Variants in TRIP13 observed in about 807,000 individuals in gnomAD.
TRIP13 encodes thyroid hormone receptor interactor 13, also known as pachytene checkpoint protein 2 homolog.
Under a neutral mutation model 54.4 loss-of-function variants are expected in TRIP13, and 25 were observed. The observed-to-expected ratio is 0.46, with a 90% CI of 0.33 to 0.64. The LOEUF (loss-of-function observed/expected upper bound fraction) is 0.64. Among genes scored for constraint, TRIP13 ranks in the 30% least tolerant of loss-of-function variants. The pLI is 0.02. For synonymous variants in TRIP13, 207 were observed against 207.8 expected (o/e 1.00, Z 0.03); for missense variants, 373 against 534.2 (o/e 0.70, Z 2.97).
rs150139487 is a variant in TRIP13, at chr5:911,891, C to T, written c.915C>T (p.Ile305=). ...ILTTSNITEK[I]DVAFVDRADI... is the part of the protein sequence containing the mutation. ...CCACTTCTAACATCACCGAGAAGATCGACGTGGCCTTCGTGGACAGGGCTG... is the reference window on the plus strand; with the variant it reads ...CCACTTCTAACATCACCGAGAAGATTGACGTGGCCTTCGTGGACAGGGCTG... The change falls in exon 10 of 13, where the codon ATC becomes ATT. Residue 305 remains isoleucine, a synonymous_variant. Transcript: ENST00000166345. This position sits in a 1 kb window ranked among gnomAD's most constrained non-coding sequence, Gnocchi z 4.7. The T allele has an allele frequency of 2.0e-5, 32 of 1,613,746 alleles. No homozygotes were observed. The highest frequency in any genetic ancestry group is 6.7e-5 in the East Asian group (3 of 44,894).
Position 911,766 on chromosome 5 carries a change from C to T in TRIP13, c.867-77C>T. On this transcript the variant is annotated intron_variant, in intron 9 of 12. Transcript: ENST00000166345. The surrounding 1 kb of genome is among the most constrained non-coding windows in gnomAD (Gnocchi z 4.7). ...TGCTGGCCATCGTCCTGCCAACCTC[C>T]TTGCCAGATAGGGCAGGATAGAATT... 1.3e-6 allele frequency: 2 copies of T among 1,522,484 alleles called. No homozygotes were observed. Among genetic ancestry groups the T allele is most frequent in the East Asian group, 2.3e-5 (1 of 43,684 alleles). The allele number at this position is 1,522,484 out of a possible 1,614,324, so 94.3% of individuals were successfully genotyped here. A position where few individuals can be genotyped will look rare whatever the true frequency, so the allele number is the denominator to read the frequency against.
rs372041124 is a variant in TRIP13 at position 900,162 on chromosome 5, T to A, written c.389-332T>A. Among the ~76,000 whole-genome samples, 25 of 152,362 alleles carry A rather than the reference T, an allele frequency of 1.6e-4. No homozygotes were observed. In the East Asian group the frequency reaches 4.8e-3, roughly 29 times the overall value. ...ATGTTATACGTCAATGGAAAATAAA[T>A]GACAACAATACCTTAAAGAAGGATG... On this transcript the variant is annotated intron_variant, in intron 3 of 12. Coordinates refer to ENST00000166345, the MANE Select transcript of TRIP13 (RefSeq NM_004237.4).
chr5:893,131 CGCCCCGACCCCAGCGCGTGCACCGA>C (rs765305970), intron 1 of TRIP13, 41 bp downstream of exon 1: 41 of 1,523,148 alleles, frequency 2.7e-5, no homozygotes, highest in South Asian at 9.5e-5. Flanking sequence ...GGCACCCACC[CGCCCCGACCCCAGCGCGTGCACCGA>C]GCCCCGACCC....
intron 2 of TRIP13, among the ~76,000 whole-genome samples, chr5:895,788 G>A (rs986316571): frequency 2.0e-5 from 3 of 152,186 alleles, no homozygotes; most frequent in African/African-American, 4.8e-5. Flanking sequence ...GGAATTTATC[G>A]TAGCTGATAA....
rs13181961 is a variant in TRIP13, at chr5:893,241, C to G, written c.92+151C>G. On this transcript the variant is annotated intron_variant, in intron 1 of 12. Coordinates refer to ENST00000166345, the MANE Select transcript of TRIP13 (RefSeq NM_004237.4). ...GACTGGACCCGGGCGCACAGGCCGC[C>G]GGGCCCCGACCGGATCCTAGCGCAA... 0.18 allele frequency: 139,755 copies of G among 785,572 alleles called. 13,498 individuals are homozygous for G. Among genetic ancestry groups the G allele is most frequent in the Middle Eastern group, 0.21 (875 of 4,172 alleles). 48.7% of individuals were successfully genotyped at this position (785,572 alleles called of 1,614,324 possible).
At position 912,064 on chromosome 5, in the gene TRIP13, G is replaced by A; in HGVS notation, c.1020+68G>A. ...TATATGTTCTTAATTAATTAAGATA[G>A]CTTAAAATAAGCTCGTTCCAGTACG... On this transcript the variant is annotated intron_variant, in intron 10 of 12. Coordinates refer to ENST00000166345, the MANE Select transcript of TRIP13 (RefSeq NM_004237.4). This position sits in a 1 kb window ranked among gnomAD's most constrained non-coding sequence, Gnocchi z 7.2. The A allele has an allele frequency of 6.5e-7, 1 of 1,537,038 alleles. No homozygotes were observed. The highest frequency in any genetic ancestry group is 1.2e-5 in the South Asian group (1 of 81,308).
chr5:908,959 GAA>G lies in TRIP13; in HGVS notation c.866+507_866+508del. 2 of 153,982 alleles carry G rather than the reference GAA, an allele frequency of 1.3e-5. No homozygotes were observed. Among genetic ancestry groups the G allele is most frequent in the Admixed American group, 6.2e-5 (1 of 16,048 alleles). The allele number at this position is 153,982 out of a possible 1,614,324, so 9.5% of individuals were successfully genotyped here. A position where few individuals can be genotyped will look rare whatever the true frequency, so the allele number is the denominator to read the frequency against. On this transcript the variant is annotated intron_variant, in intron 9 of 12. Coordinates refer to ENST00000166345, the MANE Select transcript of TRIP13 (RefSeq NM_004237.4). The surrounding 1 kb of genome is among the most constrained non-coding windows in gnomAD (Gnocchi z 5.2). The stretch of plus-strand genomic sequence containing the variant: ...GGTGACAGAGCAAGACTCCGTCTCA[GAA>G]AAAAAAAATGTGAAAGAAAACTCAG...
Position 917,020 on chromosome 5 carries a change from A to C in TRIP13, c.1216A>C (p.Thr406Pro), listed in dbSNP as rs563069256. 3 of 1,613,326 alleles carry C rather than the reference A, an allele frequency of 1.9e-6. No individual in the cohort carries two copies. Among genetic ancestry groups the C allele is most frequent in the African/African-American group, 2.7e-5 (2 of 75,004 alleles). ...GTGTACCTTCTAGGCCCCCACCGTC[A>C]CCATAGAGGGGTTCCTCCAGGCCCT... Reference protein sequence around the residue: ...HALYVQAPTVTIEGFLQALSL... With the variant: ...HALYVQAPTVPIEGFLQALSL... The change falls in exon 13 of 13, where the codon ACC becomes CCC. Residue 406 changes from threonine (T) to proline (P), a missense_variant. By Grantham distance (38) the Thr-to-Pro change is conservative (BLOSUM62 -1). Transcript: ENST00000166345.
intron 5 of TRIP13, 101 bp downstream of exon 5, chr5:901,532 T>C (rs1580052421): frequency 9.1e-7 from 1 of 1,094,660 alleles, no homozygotes; most frequent in Non-Finnish European, 1.3e-6. Flanking sequence ...CTTTGTTTTC[T>C]GAAGGAGCCA....
rs896067263 is a variant in TRIP13 at position 912,494 on chromosome 5, G to A, written c.1020+498G>A. The stretch of plus-strand genomic sequence containing the variant: ...TTGCCGTGGGCAGAGCGACGCGTGC[G>A]GGTTGTGTGTGTGAGTCAGGAAGGC... On this transcript the variant is annotated intron_variant, in intron 10 of 12. Transcript: ENST00000166345. The surrounding 1 kb of genome is among the most constrained non-coding windows in gnomAD (Gnocchi z 7.2). 3.9e-5 allele frequency among the ~76,000 whole-genome samples: 6 copies of A among 152,118 alleles called. No individual in the cohort carries two copies. Among genetic ancestry groups the A allele is most frequent in the Admixed American group, 2.6e-4 (4 of 15,280 alleles).
Position 907,314 on chromosome 5 carries a change from A to G in TRIP13, c.672+121A>G. ...AACTGGGTGGGAAGGGTGTGTGAGG[A>G]TTGGGGCTGACTGTGATCAGAGAAG... On this transcript the variant is annotated intron_variant, in intron 7 of 12. Transcript: ENST00000166345. This position sits in a 1 kb window ranked among gnomAD's most constrained non-coding sequence, Gnocchi z 4.1. 1 of 879,304 alleles carries G rather than the reference A, an allele frequency of 1.1e-6. No homozygotes were observed. Among genetic ancestry groups the G allele is most frequent in the Non-Finnish European group, 1.8e-6 (1 of 556,444 alleles). 54.5% of individuals were successfully genotyped at this position (879,304 alleles called of 1,614,324 possible).
chr5:901,018 C>T (rs989928930), intron 4 of TRIP13, among the ~76,000 whole-genome samples: 1 of 152,192 alleles, frequency 6.6e-6, no homozygotes, highest in African/African-American at 2.4e-5. Flanking sequence ...ACTGCTGTAT[C>T]ATTCTAGGGA....
Position 907,595 on chromosome 5 carries a change from G to A in TRIP13, c.673-393G>A, listed in dbSNP as rs1359721149. On this transcript the variant is annotated intron_variant, in intron 7 of 12. Coordinates refer to ENST00000166345, the MANE Select transcript of TRIP13 (RefSeq NM_004237.4). This position sits in a 1 kb window ranked among gnomAD's most constrained non-coding sequence, Gnocchi z 4.1. ...TCACCTGGCATCCGCACATCCCTCT[G>A]GTGAGGTGAGGTGGGACCAGGCACG... is the stretch of plus-strand genomic sequence containing the variant. Among the ~76,000 whole-genome samples the A allele has an allele frequency of 1.3e-5, 2 of 152,236 alleles. No homozygotes were observed. The highest frequency in any genetic ancestry group is 1.5e-5 in the Non-Finnish European group (1 of 68,044).
chr5:911,850 A>G lies in TRIP13; in HGVS notation c.874A>G (p.Asn292Asp). Residue 292 changes from asparagine (N) to aspartate (D), a missense_variant, in exon 10 of 13, where the codon AAT (asparagine) becomes GAT (aspartate). Around this residue, in one of 4 missense-constraint regions of TRIP13, gnomAD observed 119 missense variants for 223.0 expected, o/e 0.53. Transcript: ENST00000166345. This position sits in a 1 kb window ranked among gnomAD's most constrained non-coding sequence, Gnocchi z 4.7. Reference sequence around the variant, plus strand: ...GCTTCTCGGCCACAACAGGCATTCCAATGTTGTGATTCTGACCACTTCTAA... The same window carrying G: ...GCTTCTCGGCCACAACAGGCATTCCGATGTTGTGATTCTGACCACTTCTAA... Reference protein sequence around the residue: ...TQIDQIKRHSNVVILTTSNIT... With the variant: ...TQIDQIKRHSDVVILTTSNIT... The G allele has an allele frequency of 6.2e-7, 1 of 1,608,588 alleles. No homozygotes were observed. The highest frequency in any genetic ancestry group is 8.5e-7 in the Non-Finnish European group (1 of 1,178,416).
chr5:912,105 T>G lies in TRIP13; in HGVS notation c.1020+109T>G. On this transcript the variant is annotated intron_variant, in intron 10 of 12. Transcript: ENST00000166345. This position sits in a 1 kb window ranked among gnomAD's most constrained non-coding sequence, Gnocchi z 7.2. ...TTCCAGTACGGAGGATTTCAACATA[T>G]GCATTAACTCCCTTCTTAAATTGAA... is the stretch of plus-strand genomic sequence containing the variant. 2.2e-6 allele frequency: 3 copies of G among 1,343,548 alleles called. No individual in the cohort carries two copies. Among genetic ancestry groups the G allele is most frequent in the South Asian group, 2.9e-5 (2 of 69,392 alleles). The allele number at this position is 1,343,548 out of a possible 1,614,324, so 83.2% of individuals were successfully genotyped here. A position where few individuals can be genotyped will look rare whatever the true frequency, so the allele number is the denominator to read the frequency against.
Position 911,423 on chromosome 5 carries a change from T to C in TRIP13, c.867-420T>C, listed in dbSNP as rs1382910493. ...CGTCTCCACTAAAAATACAAAAAATTAGCCGGGCACGGTGGCGGGCGCCTG... is the reference window on the plus strand; with the variant it reads ...CGTCTCCACTAAAAATACAAAAAATCAGCCGGGCACGGTGGCGGGCGCCTG... On this transcript the variant is annotated intron_variant, in intron 9 of 12. Transcript: ENST00000166345. This position sits in a 1 kb window ranked among gnomAD's most constrained non-coding sequence, Gnocchi z 4.7. 6.6e-6 allele frequency among the ~76,000 whole-genome samples: 1 copy of C among 151,608 alleles called. No individual in the cohort carries two copies. The highest frequency in any genetic ancestry group is 1.5e-5 in the Non-Finnish European group (1 of 67,900).
chr5:893,066 T>G lies in TRIP13; in HGVS notation c.68T>G (p.Val23Gly), dbSNP rs1384478615. 6.3e-7 allele frequency: 1 copy of G among 1,597,720 alleles called. No individual in the cohort carries two copies. The change falls in exon 1 of 13, where the codon GTG becomes GGG. Residue 23 changes from valine to glycine, a missense_variant. Around this residue, in one of 4 missense-constraint regions of TRIP13, gnomAD observed 151 missense variants for 151.9 expected, o/e 0.99. Transcript: ENST00000166345. Reference sequence around the variant, plus strand: ...GTGGCCGAGTCGCCAACGGTCCACGTGGAGGTGCATCAGCGCGGCAGCAGG... The same window carrying G: ...GTGGCCGAGTCGCCAACGGTCCACGGGGAGGTGCATCAGCGCGGCAGCAGG... ...PCVAESPTVH[V>G]EVHQRGSSTA...
intron 9 of TRIP13, among the ~76,000 whole-genome samples, chr5:909,554 C>T (rs1192052642): frequency 2.0e-5 from 3 of 152,052 alleles, no homozygotes; most frequent in South Asian, 2.1e-4. Context: ...CCAGCTCGGT[C>T]GGGGAGACCC....
chr5:901,590 A>C (rs940776633), intron 5 of TRIP13, among the ~76,000 whole-genome samples, 159 bp downstream of exon 5: 1 of 151,628 alleles, frequency 6.6e-6, no homozygotes, highest in Non-Finnish European at 1.5e-5. Context: ...CCAGCTCATG[A>C]CACTTGGGAC....
Sources: gnomAD v4.1 joint callset for allele counts (sites outside exome capture counted in the v4.1 genomes callset) on GRCh38, gnomAD v4.1.1 for gene constraint, gnomAD v4.1.1 regional missense constraint, Gnocchi (gnomAD v3.1) non-coding constraint, MANE v1.5 for transcripts, NCBI Gene and HGNC (gene_info 2026-07-23, HGNC 2026-07-21) for gene names.